Variants in MMD2 observed in about 807,000 individuals in gnomAD.
MMD2 encodes monocyte to macrophage differentiation factor 2.
A neutral mutation model predicts 33.5 loss-of-function variants in MMD2; 30 were observed. The observed-to-expected ratio is 0.90, with a 90% CI of 0.67 to 1.22. MMD2 has a LOEUF of 1.22. Ranked by LOEUF, MMD2 falls within the 50% of genes most tolerant of loss-of-function variation. The pLI is 0.00. For synonymous variants in MMD2, 129 were observed against 123.0 expected (o/e 1.05, Z -0.32); for missense variants, 364 against 325.4 (o/e 1.12, Z -0.91).
intron 1 of MMD2, among the ~76,000 whole-genome samples, chr7:4,954,414 C>T (rs1469050198): frequency 1.4e-5 from 2 of 138,570 alleles, no homozygotes; most frequent in Non-Finnish European, 3.3e-5. Flanking sequence ...TTAACAGAAA[C>T]TTAATTTTTT....
chr7:4,914,157 CAAA>C (rs2115094341), intron 4 of MMD2, among the ~76,000 whole-genome samples: 1 of 152,220 alleles, frequency 6.6e-6, no homozygotes, highest in South Asian at 2.1e-4. Flanking sequence ...TAGTTTCTTT[CAAA>C]AACTCCTCAT....
intron 1 of MMD2, among the ~76,000 whole-genome samples, chr7:4,937,890 C>G (rs1226285100): frequency 1.3e-5 from 2 of 151,848 alleles, no homozygotes; most frequent in Non-Finnish European, 2.9e-5. Context: ...CTCAAGCAGT[C>G]CTCCTCCTTT....
Position 4,958,955 on chromosome 7 carries a change from C to T in MMD2, c.47+16G>A. On this transcript the variant is annotated intron_variant, in intron 1 of 6. Transcript: ENST00000401401. Reference sequence around the variant, plus strand: ...CCCTCCCTCCCTCCCCGCGGACCTCCGCGGCCGCCGCTCACCTCGCGTATT... The same window carrying T: ...CCCTCCCTCCCTCCCCGCGGACCTCTGCGGCCGCCGCTCACCTCGCGTATT... The T allele has an allele frequency of 1.6e-6, 2 of 1,290,316 alleles. No homozygotes were observed. Among genetic ancestry groups the T allele is most frequent in the African/African-American group, 3.1e-5 (2 of 64,648 alleles). 79.9% of individuals were successfully genotyped at this position (1,290,316 alleles called of 1,614,324 possible).
At chr7:4,936,049 G>T (rs996693007) in intron 1 of MMD2, among the ~76,000 whole-genome samples, 10 of 151,860 alleles carry the variant, frequency 6.6e-5, no homozygotes, top group African/African-American at 2.4e-4. Context: ...GGCAGGCGTG[G>T]TGGTGGGCAC....
intron 3 of MMD2, 31 bp from the exon 4 acceptor site, chr7:4,916,110 C>T (rs1351365165): frequency 6.2e-7 from 1 of 1,607,764 alleles, no homozygotes. Context: ...GCAGTCACAG[C>T]CCCTGCACAG....
the MMD2 span, among the ~76,000 whole-genome samples, chr7:4,895,943 C>T: frequency 2.4e-4 from 36 of 152,068 alleles, no homozygotes; most frequent in Admixed American, 1.9e-3. Context: ...CACTCCTTCC[C>T]GGGAATCATG....
At chr7:4,928,124 A>G (rs1785481580) in intron 1 of MMD2, among the ~76,000 whole-genome samples, 1 of 152,158 alleles carries the variant, frequency 6.6e-6, no homozygotes, top group African/African-American at 2.4e-5. Flanking sequence ...GCTCACCTGG[A>G]CGTTGCCAAG....
chr7:4,930,036 G>A (rs1387390393), intron 1 of MMD2, among the ~76,000 whole-genome samples: 7 of 151,410 alleles, frequency 4.6e-5, no homozygotes, highest in Non-Finnish European at 8.8e-5. Flanking sequence ...TTGGGAGGCC[G>A]AGGCGGGCAT....
chr7:4,914,203 G>C (rs1785086715), intron 4 of MMD2, among the ~76,000 whole-genome samples: 1 of 152,126 alleles, frequency 6.6e-6, no homozygotes, highest in Non-Finnish European at 1.5e-5. Flanking sequence ...TTTCATGCGT[G>C]ACCATGGTGC....
chr7:4,913,234 A>C (rs1025556255), intron 4 of MMD2, among the ~76,000 whole-genome samples: 4 of 152,204 alleles, frequency 2.6e-5, no homozygotes, highest in African/African-American at 9.7e-5. Flanking sequence ...GGATGAAGGG[A>C]AAGGAGAAAG....
intron 6 of MMD2, 28 bp from the exon 7 acceptor site, chr7:4,907,627 A>G (rs779375240): frequency 2.5e-6 from 4 of 1,609,304 alleles, no homozygotes; most frequent in East Asian, 4.5e-5. Flanking sequence ...GGTGGGGCAC[A>G]GGTCAGAGGG....
At chr7:4,911,631 A>ATTTAT (rs1391567935) in intron 4 of MMD2, among the ~76,000 whole-genome samples, 6 of 151,092 alleles carry the variant, frequency 4.0e-5, no homozygotes, top group South Asian at 2.1e-4. Context: ...CATTTATTTT[A>ATTTAT]TTTATTTTAT....
At chr7:4,926,869 T>A (rs551781453) in intron 1 of MMD2, among the ~76,000 whole-genome samples, 1 of 151,932 alleles carries the variant, frequency 6.6e-6, no homozygotes, top group South Asian at 2.1e-4. Flanking sequence ...CTCAGCCTCC[T>A]GAGTAGCTGG....
intron 1 of MMD2, among the ~76,000 whole-genome samples, chr7:4,927,653 G>A (rs1785467919): frequency 6.6e-6 from 1 of 152,164 alleles, no homozygotes; most frequent in African/African-American, 2.4e-5. Context: ...GTTGCAGTGA[G>A]CCGAGATTGT....
downstream of MMD2, among the ~76,000 whole-genome samples, chr7:4,905,699 C>T (rs1421117549): frequency 6.6e-6 from 1 of 152,080 alleles, no homozygotes; most frequent in Non-Finnish European, 1.5e-5. This position sits in a 1 kb window ranked among gnomAD's most constrained non-coding sequence, Gnocchi z 5.0. Flanking sequence ...GTCAAGTTTT[C>T]AGTGTCTCTG....
At chr7:4,908,744 A>G (rs1784930103) in intron 6 of MMD2, among the ~76,000 whole-genome samples, 1 of 151,578 alleles carries the variant, frequency 6.6e-6, no homozygotes, top group Non-Finnish European at 1.5e-5. Context: ...TAAAAATACA[A>G]TAATTAGCCG....
At chr7:4,925,623 G>A in intron 1 of MMD2, 91 bp from the exon 2 acceptor site, 4 of 927,722 alleles carry the variant, frequency 4.3e-6, no homozygotes, top group East Asian at 2.8e-5. Context: ...CTTCCTACTG[G>A]TAGGAAAAGA....
the MMD2 span, among the ~76,000 whole-genome samples, chr7:4,892,994 G>A: frequency 6.6e-6 from 1 of 152,028 alleles, no homozygotes; most frequent in African/African-American, 2.4e-5. Flanking sequence ...GATTACAGGC[G>A]CGAGCCACCG....
Position 4,916,198 on chromosome 7 carries a change from C to T in MMD2, c.291-119G>A, listed in dbSNP as rs1304030671. On this transcript the variant is annotated intron_variant, in intron 3 of 6. Coordinates refer to ENST00000401401, the MANE Select transcript of MMD2 (RefSeq NM_198403.4). The stretch of plus-strand genomic sequence containing the variant: ...TACAGGTTAGCAGGGCTGGGCTCCT[C>T]TGTCCAGCCAAGACCCCTTGGCCCT... 3 of 869,966 alleles carry T rather than the reference C, an allele frequency of 3.4e-6. No individual in the cohort carries two copies. The African/African-American group carries it at 5.0e-5, about 15-fold the overall frequency. 53.9% of individuals were successfully genotyped at this position (869,966 alleles called of 1,614,324 possible).
Sources: gnomAD v4.1 joint callset for allele counts (sites outside exome capture counted in the v4.1 genomes callset) on GRCh38, gnomAD v4.1.1 for gene constraint, Gnocchi (gnomAD v3.1) non-coding constraint, MANE v1.5 for transcripts, NCBI Gene and HGNC (gene_info 2026-07-23, HGNC 2026-07-21) for gene names.